Variants in NEU3 observed in about 807,000 individuals in gnomAD.
The protein encoded by NEU3 is sialidase-3.
Under a neutral mutation model 11.4 loss-of-function variants are expected in NEU3, and 10 were observed. The ratio of observed to expected loss-of-function variants is 0.88; its 90% CI spans 0.54 to 1.49. The LOEUF (loss-of-function observed/expected upper bound fraction) is 1.49. Ranked by LOEUF, NEU3 falls within the 40% of genes most tolerant of loss-of-function variation. NEU3 has a pLI of 0.00. For missense variants in NEU3, 529 were observed against 581.8 expected (o/e 0.91, Z 0.93); for synonymous variants, 212 against 228.2 (o/e 0.93, Z 0.64).
intron 3 of NEU3, among the ~76,000 whole-genome samples, chr11:75,018,101 G>A (rs1029440503): frequency 6.1e-4 from 92 of 151,698 alleles, no homozygotes; most frequent in African/African-American, 2.2e-3. Context: ...AACTAACTGA[G>A]TGAGACCTTG....
intron 2 of NEU3, among the ~76,000 whole-genome samples, chr11:75,000,453 T>C (rs573248140): frequency 6.6e-6 from 1 of 152,304 alleles, no homozygotes; most frequent in African/African-American, 2.4e-5. Flanking sequence ...TTGACTACTC[T>C]AGATATCTCA....
chr11:74,983,097 G>A, the NEU3 span, among the ~76,000 whole-genome samples: 1 of 152,130 alleles, frequency 6.6e-6, no homozygotes, highest in Non-Finnish European at 1.5e-5. Context: ...ATTGGATCCT[G>A]ACCAACATGG....
the NEU3 span, among the ~76,000 whole-genome samples, chr11:74,980,680 T>C: frequency 3.0e-4 from 46 of 152,348 alleles, no homozygotes; most frequent in African/African-American, 1.0e-3. Flanking sequence ...AATAATGTTT[T>C]AAATACATAC....
At chr11:74,999,097 C>T (rs1319416632) in intron 2 of NEU3, among the ~76,000 whole-genome samples, 2 of 152,096 alleles carry the variant, frequency 1.3e-5, no homozygotes, top group East Asian at 1.9e-4. Context: ...TACAGGTGTA[C>T]ACCACTGTGC....
At chr11:75,002,905 T>C (rs1311337957) in intron 2 of NEU3, among the ~76,000 whole-genome samples, 1 of 152,256 alleles carries the variant, frequency 6.6e-6, no homozygotes, top group Non-Finnish European at 1.5e-5. Context: ...TAATTTGTTT[T>C]TCATTGTTAC....
At chr11:75,014,893 T>A (rs534994553), downstream of NEU3, among the ~76,000 whole-genome samples, 3 of 152,142 alleles carry the variant, frequency 2.0e-5, no homozygotes, top group East Asian at 5.8e-4. Context: ...ATAATAAAAA[T>A]ACCTTTTATC....
In NEU3 at chr11:74,991,527, T is replaced by C. The variant is rs1948732309; in HGVS notation, c.94+2373T>C. ...ACTGTCCTGAAAGCTTCCTGGAAGA[T>C]TGGTCTAAAATCATCATGCCATTCC... On this transcript the variant is annotated intron_variant, in intron 1 of 2. Coordinates refer to ENST00000294064, the MANE Select transcript of NEU3 (RefSeq NM_006656.6). 3.9e-5 allele frequency among the ~76,000 whole-genome samples: 6 copies of C among 152,302 alleles called. No individual in the cohort carries two copies. In the South Asian group the frequency reaches 1.2e-3, roughly 32 times the overall value.
intron 2 of NEU3, 193 bp downstream of exon 2, chr11:74,994,913 C>T: frequency 1.4e-6 from 1 of 698,762 alleles, no homozygotes; most frequent in Non-Finnish European, 2.6e-6. Context: ...TCCTCACAGC[C>T]ATTCTGTGTC....
rs544392301 is a variant in NEU3, at chr11:75,009,157, A to T, written c.*2665A>T. The T allele has an allele frequency of 6.6e-6, 1 of 152,332 alleles. No homozygotes were observed. Among genetic ancestry groups the T allele is most frequent in the East Asian group, 1.9e-4 (1 of 5,196 alleles). The allele number at this position is 152,332 out of a possible 1,614,324, so 9.4% of individuals were successfully genotyped here. A position where few individuals can be genotyped will look rare whatever the true frequency, so the allele number is the denominator to read the frequency against. Reference sequence around the variant, plus strand: ...AGAGTGGGTGATGGCAGCTATGAAGAAAAAACAGATCAGAAGAAGAGTCCT... The same window carrying T: ...AGAGTGGGTGATGGCAGCTATGAAGTAAAAACAGATCAGAAGAAGAGTCCT... On this transcript the variant is annotated 3_prime_UTR_variant, in exon 3 of 3. Transcript: ENST00000294064.
At chr11:74,981,662 A>G in the NEU3 span, among the ~76,000 whole-genome samples, 5 of 152,200 alleles carry the variant, frequency 3.3e-5, no homozygotes, top group Admixed American at 6.5e-5. Context: ...TTCTGGCAAC[A>G]TCCATGAAAG....
At chr11:75,020,218 C>T (rs753029169), downstream of NEU3, among the ~76,000 whole-genome samples, 1 of 152,130 alleles carries the variant, frequency 6.6e-6, no homozygotes, top group Non-Finnish European at 1.5e-5. Context: ...TTTACAGGCT[C>T]ATAGGTGGAA....
chr11:74,995,045 G>A, intron 2 of NEU3: 1 of 573,362 alleles, frequency 1.7e-6, no homozygotes, highest in Non-Finnish European at 3.1e-6. Context: ...CTCAGTCGCT[G>A]ACTCCAGAGA....
At chr11:74,995,630 A>G (rs1038483178) in intron 2 of NEU3, among the ~76,000 whole-genome samples, 2 of 152,210 alleles carry the variant, frequency 1.3e-5, no homozygotes, top group African/African-American at 4.8e-5. Flanking sequence ...AGTGTGTAGT[A>G]GCATTATGTC....
At chr11:75,016,202 G>C (rs143724936) in intron 3 of NEU3, among the ~76,000 whole-genome samples, 1 of 152,298 alleles carries the variant, frequency 6.6e-6, no homozygotes, top group East Asian at 1.9e-4. Context: ...GGGCTTCATT[G>C]TACCCATCAT....
the NEU3 span, among the ~76,000 whole-genome samples, chr11:74,982,468 G>A: frequency 2.0e-5 from 3 of 152,168 alleles, no homozygotes; most frequent in Non-Finnish European, 4.4e-5. Context: ...CAGCGTTCCT[G>A]GCAGATTGCC....
At chr11:75,001,102 A>G (rs553052334) in intron 2 of NEU3, among the ~76,000 whole-genome samples, 1 of 152,108 alleles carries the variant, frequency 6.6e-6, no homozygotes, top group East Asian at 1.9e-4. Flanking sequence ...CTAGTTTTCC[A>G]CATCCCCACC....
intron 2 of NEU3, among the ~76,000 whole-genome samples, chr11:75,005,146 G>T (rs1948884471): frequency 6.6e-6 from 1 of 152,100 alleles, no homozygotes; most frequent in Admixed American, 6.6e-5. Context: ...TTTGAGTTGG[G>T]TATGGAGGAT....
chr11:74,992,225 G>A (rs953616666), intron 1 of NEU3, among the ~76,000 whole-genome samples: 1 of 152,176 alleles, frequency 6.6e-6, no homozygotes, highest in African/African-American at 2.4e-5. Context: ...GCCTTGATCT[G>A]GATAGATGCC....
At chr11:75,016,869 T>C (rs1948983262) in intron 3 of NEU3, among the ~76,000 whole-genome samples, 1 of 152,222 alleles carries the variant, frequency 6.6e-6, no homozygotes, top group Non-Finnish European at 1.5e-5. Flanking sequence ...TCCAGGTTCA[T>C]AATGTGTTCT....
Sources: gnomAD v4.1 joint callset for allele counts (sites outside exome capture counted in the v4.1 genomes callset) on GRCh38, gnomAD v4.1.1 for gene constraint, MANE v1.5 for transcripts, NCBI Gene and HGNC (gene_info 2026-07-23, HGNC 2026-07-21) for gene names.